The following RHOJ variants were observed in gnomAD, a reference collection of about 807,000 sequenced individuals.
RHOJ encodes the protein rho-related GTP-binding protein RhoJ.
Under a neutral mutation model 23.4 loss-of-function variants are expected in RHOJ, and 11 were observed. That is an observed-to-expected ratio of 0.47 (90% CI 0.30 to 0.78). The LOEUF (loss-of-function observed/expected upper bound fraction) is 0.78, where lower values mean the gene tolerates loss of function less well. Ranked by LOEUF, RHOJ falls within the 30% of genes least tolerant of loss-of-function variation. The pLI is 0.08. For missense variants in RHOJ, 254 were observed against 273.4 expected (o/e 0.93, Z 0.50); for synonymous variants, 102 against 102.7 (o/e 0.99, Z 0.04).
At chr14:63,211,769 G>A (rs1200264211) in intron 1 of RHOJ, among the ~76,000 whole-genome samples, 1 of 151,840 alleles carries the variant, frequency 6.6e-6, no homozygotes, top group Non-Finnish European at 1.5e-5. Flanking sequence ...TTATCATAAG[G>A]TGCTATCATT....
At chr14:63,284,402 T>C (rs1174919792) in intron 4 of RHOJ, 4 of 952,608 alleles carry the variant, frequency 4.2e-6, no homozygotes, top group Non-Finnish European at 3.7e-6. Flanking sequence ...TACTTAATAA[T>C]ATCTCTCACT....
intron 1 of RHOJ, among the ~76,000 whole-genome samples, chr14:63,263,627 A>C (rs1404631310): frequency 2.0e-5 from 3 of 152,220 alleles, no homozygotes; most frequent in Non-Finnish European, 4.4e-5. Flanking sequence ...GACAGACTAG[A>C]CAGCCACTAC....
At chr14:63,265,116 A>C (rs1566624435) in intron 1 of RHOJ, among the ~76,000 whole-genome samples, 1 of 152,176 alleles carries the variant, frequency 6.6e-6, no homozygotes, top group Non-Finnish European at 1.5e-5. Context: ...CAATGTTCAA[A>C]ATGGTGTTTC....
chr14:63,236,878 A>G (rs1016030198), intron 1 of RHOJ, among the ~76,000 whole-genome samples: 1 of 152,102 alleles, frequency 6.6e-6, no homozygotes, highest in Non-Finnish European at 1.5e-5. Context: ...TTGATATCCA[A>G]TGGTGTAATA....
rs183040150 is a variant in RHOJ, at chr14:63,232,374, G to C, written c.178+27327G>C. On this transcript the variant is annotated intron_variant, in intron 1 of 4. Transcript: ENST00000316754. ...ATATAATCTGAAAGAGGATTTAGATGGTAGCAGAAGGGAGAAAGGTATGTT... is the reference window on the plus strand; with the variant it reads ...ATATAATCTGAAAGAGGATTTAGATCGTAGCAGAAGGGAGAAAGGTATGTT... 5.1e-3 allele frequency among the ~76,000 whole-genome samples: 773 copies of C among 152,262 alleles called. 6 individuals carry two copies. The highest frequency in any genetic ancestry group is 0.018 in the African/African-American group (731 of 41,532).
At chr14:63,281,159 G>C in intron 3 of RHOJ, 24 bp downstream of exon 3, 1 of 1,582,516 alleles carries the variant, frequency 6.3e-7, no homozygotes, top group Non-Finnish European at 8.6e-7. Flanking sequence ...CGATGGCAGG[G>C]TGGAGCGGGC....
Position 63,291,027 on chromosome 14 carries a change from T to C in RHOJ, c.*3T>C, listed in dbSNP as rs200860572. On this transcript the variant is annotated 3_prime_UTR_variant, in exon 5 of 5. Transcript: ENST00000316754. ...ACAGCTGCTGTTCAATTATCTGAGG[T>C]TGTCTGGGACCTGCCTCCACCCCAT... The C allele has an allele frequency of 1.6e-4, 254 of 1,613,832 alleles. No individual in the cohort carries two copies. The highest frequency in any genetic ancestry group is 6.6e-4 in the Middle Eastern group (4 of 6,084).
intron 1 of RHOJ, among the ~76,000 whole-genome samples, chr14:63,238,002 A>G (rs1894819521): frequency 6.6e-6 from 1 of 152,236 alleles, no homozygotes; most frequent in Non-Finnish European, 1.5e-5. Context: ...GCTTCAGACC[A>G]TATTCACCAC....
intron 1 of RHOJ, among the ~76,000 whole-genome samples, chr14:63,233,748 G>A (rs144718206): frequency 3.5e-4 from 54 of 152,238 alleles, no homozygotes; most frequent in African/African-American, 1.3e-3. Context: ...CCATTATACA[G>A]TAACAGCCCT....
intron 2 of RHOJ, among the ~76,000 whole-genome samples, chr14:63,269,972 G>A (rs1895437746): frequency 6.6e-6 from 1 of 152,190 alleles, no homozygotes; most frequent in Non-Finnish European, 1.5e-5. Flanking sequence ...TTAAGCAACT[G>A]ATGGCCGTAG....
intron 1 of RHOJ, among the ~76,000 whole-genome samples, chr14:63,206,194 T>C (rs1427714314): frequency 6.6e-6 from 1 of 152,166 alleles, no homozygotes; most frequent in Non-Finnish European, 1.5e-5. Flanking sequence ...TTACATGATG[T>C]ATGAAAATGT....
chr14:63,252,199 A>G (rs184502687), intron 1 of RHOJ, among the ~76,000 whole-genome samples: 3 of 152,140 alleles, frequency 2.0e-5, no homozygotes, highest in African/African-American at 2.4e-5. Context: ...TGCCTTTCCC[A>G]GTGTCTAGAG....
At chr14:63,220,361 G>A (rs1009379972) in intron 1 of RHOJ, among the ~76,000 whole-genome samples, 2 of 144,420 alleles carry the variant, frequency 1.4e-5, no homozygotes, top group Non-Finnish European at 1.5e-5. Context: ...TAATACCTGA[G>A]TAATTAAAAA....
intron 2 of RHOJ, among the ~76,000 whole-genome samples, chr14:63,277,963 A>G (rs897719908): frequency 5.9e-4 from 84 of 141,948 alleles, no homozygotes; most frequent in Non-Finnish European, 9.8e-4. Flanking sequence ...CACCAGCTAC[A>G]CAAACACACA....
intron 1 of RHOJ, among the ~76,000 whole-genome samples, chr14:63,254,895 T>TGG (rs1361691265): frequency 1.3e-5 from 2 of 152,214 alleles, no homozygotes; most frequent in African/African-American, 4.8e-5. Context: ...GAAAGCACGT[T>TGG]GGGTTTTTAT....
chr14:63,218,471 T>G (rs55892114), intron 1 of RHOJ, among the ~76,000 whole-genome samples: 21,446 of 152,196 alleles, frequency 0.14, 1,973 homozygotes, highest in African/African-American at 0.25. Flanking sequence ...CATAGATCAC[T>G]GTGTTTTATA....
At chr14:63,287,419 C>A (rs1882116013) in intron 4 of RHOJ, among the ~76,000 whole-genome samples, 1 of 152,198 alleles carries the variant, frequency 6.6e-6, no homozygotes, top group East Asian at 1.9e-4. Flanking sequence ...CAAGGTCCAG[C>A]TCAGCAAACT....
chr14:63,242,190 A>T (rs1894894765), intron 1 of RHOJ, among the ~76,000 whole-genome samples: 1 of 152,238 alleles, frequency 6.6e-6, no homozygotes, highest in Non-Finnish European at 1.5e-5. Flanking sequence ...TAGCTCAAAG[A>T]TGTAAAATGA....
At chr14:63,273,318 T>G (rs1895504869) in intron 2 of RHOJ, among the ~76,000 whole-genome samples, 2 of 152,236 alleles carry the variant, frequency 1.3e-5, no homozygotes, top group South Asian at 4.1e-4. Context: ...CAAATCTATT[T>G]AGGTTGTGCC....
Sources: allele counts gnomAD v4.1 joint callset (sites outside exome capture counted in the v4.1 genomes callset), GRCh38; gene constraint gnomAD v4.1.1; transcripts MANE v1.5; gene names NCBI Gene and HGNC (gene_info 2026-07-23, HGNC 2026-07-21).